KHDRBS2: variants seen among roughly 807,000 people sequenced by gnomAD.
KHDRBS2 encodes KH domain-containing, RNA-binding, signal transduction-associated protein 2.
In KHDRBS2, 26 loss-of-function variants were observed where a neutral mutation model predicts 44.3. That is an observed-to-expected ratio of 0.59 (90% CI 0.43 to 0.81). The LOEUF is 0.81. Among genes scored for constraint, KHDRBS2 ranks in the 40% least tolerant of loss-of-function variants. The pLI, the probability that KHDRBS2 is intolerant of heterozygous loss-of-function variation, is 0.00. For missense variants in KHDRBS2, 476 were observed against 433.1 expected (o/e 1.10, Z -0.88); for synonymous variants, 194 against 151.1 (o/e 1.28, Z -2.08).
chr6:62,067,975 G>C (rs776841710), intron 2 of KHDRBS2, among the ~76,000 whole-genome samples: 1 of 151,552 alleles, frequency 6.6e-6, no homozygotes, highest in African/African-American at 2.4e-5. Flanking sequence ...TGTCCACATT[G>C]TGGCTATTAT....
At chr6:61,860,039 A>T (rs1274275838) in intron 6 of KHDRBS2, among the ~76,000 whole-genome samples, 1 of 151,940 alleles carries the variant, frequency 6.6e-6, no homozygotes, top group Non-Finnish European at 1.5e-5. Flanking sequence ...ATAAAATTAG[A>T]TGGATTGAGA....
chr6:62,075,558 CT>C (rs1410035858), intron 2 of KHDRBS2, among the ~76,000 whole-genome samples: 1 of 151,886 alleles, frequency 6.6e-6, no homozygotes, highest in Non-Finnish European at 1.5e-5. Context: ...TACAATTTGC[CT>C]TTGGCACAGG....
chr6:62,012,101 G>A (rs1026627579), intron 3 of KHDRBS2, among the ~76,000 whole-genome samples: 16 of 98,194 alleles, frequency 1.6e-4, no homozygotes, highest in Non-Finnish European at 2.3e-4. Context: ...CCTTCTTGAC[G>A]AGTCCATGTG....
chr6:61,544,805 T>G, the KHDRBS2 span, among the ~76,000 whole-genome samples: 2 of 152,062 alleles, frequency 1.3e-5, no homozygotes. Flanking sequence ...CTGGAAACCA[T>G]CATTCTCAGC....
At chr6:61,765,671 A>G (rs912260669) in intron 6 of KHDRBS2, among the ~76,000 whole-genome samples, 6 of 151,906 alleles carry the variant, frequency 3.9e-5, no homozygotes, top group African/African-American at 1.5e-4. Flanking sequence ...TTCTATACCC[A>G]CTTTTTTTGA....
chr6:62,151,698 G>T (rs986529462), intron 2 of KHDRBS2, among the ~76,000 whole-genome samples: 1 of 152,056 alleles, frequency 6.6e-6, no homozygotes, highest in African/African-American at 2.4e-5. Flanking sequence ...AGCACAATAA[G>T]AAGAATATGG....
intron 3 of KHDRBS2, among the ~76,000 whole-genome samples, chr6:62,035,707 T>C (rs954335578): frequency 6.6e-6 from 1 of 152,050 alleles, no homozygotes; most frequent in Non-Finnish European, 1.5e-5. Context: ...CCATTTTACA[T>C]GATGTGATTA....
intron 6 of KHDRBS2, among the ~76,000 whole-genome samples, chr6:61,826,017 C>T (rs1583032875): frequency 6.6e-6 from 1 of 152,110 alleles, no homozygotes; most frequent in African/African-American, 2.4e-5. Context: ...AGGGACAGGA[C>T]ATTCTTAACC....
chr6:61,710,235 C>T (rs568913873), intron 7 of KHDRBS2, among the ~76,000 whole-genome samples: 40 of 151,536 alleles, frequency 2.6e-4, no homozygotes, highest in African/African-American at 8.2e-4. Flanking sequence ...TGGCATGTAC[C>T]GAAAGTCAGG....
intron 6 of KHDRBS2, among the ~76,000 whole-genome samples, chr6:61,857,717 G>A (rs997146279): frequency 4.6e-5 from 7 of 151,914 alleles, no homozygotes; most frequent in African/African-American, 1.7e-4. Flanking sequence ...TGAACAGTAT[G>A]ATCTCATAAA....
chr6:61,787,520 C>T lies in KHDRBS2; in HGVS notation c.811-54756G>A, dbSNP rs146127596. On this transcript the variant is annotated intron_variant, in intron 6 of 8. Coordinates refer to ENST00000281156, the MANE Select transcript of KHDRBS2 (RefSeq NM_152688.4). ...TTAGAACCTGATTACTCAGCCTTAC[C>T]TATGCCTTTTATTAAACAAATGTCA... Among the ~76,000 whole-genome samples, 236 of 151,866 alleles carry T rather than the reference C, an allele frequency of 1.6e-3. 3 individuals are homozygous for T. Among genetic ancestry groups the T allele is most frequent in the Admixed American group, 4.7e-3 (71 of 15,196 alleles).
At chr6:61,752,627 A>C (rs1777863539) in intron 6 of KHDRBS2, among the ~76,000 whole-genome samples, 1 of 140,846 alleles carries the variant, frequency 7.1e-6, no homozygotes, top group South Asian at 2.3e-4. Context: ...GTATGTTTTG[A>C]GTCCCTGAAA....
chr6:61,950,662 T>TA (rs1764554828), intron 4 of KHDRBS2, among the ~76,000 whole-genome samples: 1 of 152,034 alleles, frequency 6.6e-6, no homozygotes, highest in Non-Finnish European at 1.5e-5. Flanking sequence ...TTACAAGACT[T>TA]ACAATGCATA....
downstream of KHDRBS2, among the ~76,000 whole-genome samples, chr6:61,677,768 G>GC (rs1766026863): frequency 2.0e-5 from 3 of 151,776 alleles, no homozygotes; most frequent in Admixed American, 2.0e-4. Flanking sequence ...GCCCCTCAGG[G>GC]CCCACTGGGC....
chr6:61,879,556 T>A (rs1021999482), intron 6 of KHDRBS2, among the ~76,000 whole-genome samples: 76 of 151,910 alleles, frequency 5.0e-4, no homozygotes, highest in African/African-American at 1.7e-3. Flanking sequence ...TATTGTGATA[T>A]TAAAAACTAA....
chr6:62,067,393 A>G (rs1793980393), intron 2 of KHDRBS2, among the ~76,000 whole-genome samples: 1 of 151,496 alleles, frequency 6.6e-6, no homozygotes, highest in Non-Finnish European at 1.5e-5. Flanking sequence ...TGATTCTAGT[A>G]AGACAATAGG....
chr6:62,132,651 G>T (rs1043689215), intron 2 of KHDRBS2, among the ~76,000 whole-genome samples: 1 of 152,078 alleles, frequency 6.6e-6, no homozygotes, highest in African/African-American at 2.4e-5. Context: ...AAATAAATCT[G>T]CCCCATAAAA....
At chr6:62,200,393 AAAAC>A (rs1379889799) in intron 1 of KHDRBS2, among the ~76,000 whole-genome samples, 4 of 152,200 alleles carry the variant, frequency 2.6e-5, no homozygotes, top group Non-Finnish European at 5.9e-5. Flanking sequence ...TTACAAGAAA[AAAAC>A]AAACAACCCC....
rs536035250 is a variant in KHDRBS2, at chr6:61,919,732, C to CAA, written c.484-18363_484-18362dup. On this transcript the variant is annotated intron_variant, in intron 4 of 8. Transcript: ENST00000281156. ...AAAAAAACCTGAAGAACAACAACAA[C>CAA]AAAAAAAAACCCCACCAAACCATCA... Among the ~76,000 whole-genome samples the CAA allele has an allele frequency of 9.5e-4, 143 of 150,854 alleles. 1 individual carries two copies. The highest frequency in any genetic ancestry group is 3.2e-3 in the African/African-American group (132 of 41,186).
Sources: allele counts gnomAD v4.1 joint callset (sites outside exome capture counted in the v4.1 genomes callset), GRCh38; gene constraint gnomAD v4.1.1; transcripts MANE v1.5; gene names NCBI Gene and HGNC (gene_info 2026-07-23, HGNC 2026-07-21).